GRIA4: variants seen among roughly 807,000 people sequenced by gnomAD.
GRIA4 encodes glutamate ionotropic receptor AMPA type subunit 4, also known as glutamate receptor 4.
In GRIA4, 34 loss-of-function variants were observed where a neutral mutation model predicts 104.0. The ratio of observed to expected loss-of-function variants is 0.33; its 90% CI spans 0.25 to 0.44. The LOEUF (loss-of-function observed/expected upper bound fraction) is 0.44. GRIA4 is among the 20% of genes least tolerant of loss of function. The pLI, the probability that GRIA4 is intolerant of heterozygous loss-of-function variation, is 1.00. For synonymous variants in GRIA4, 386 were observed against 381.9 expected (o/e 1.01, Z -0.13); for missense variants, 750 against 1,096.5 (o/e 0.68, Z 4.46).
At chr11:105,626,684 T>A (rs1950895124) in intron 3 of GRIA4, among the ~76,000 whole-genome samples, 1 of 152,204 alleles carries the variant, frequency 6.6e-6, no homozygotes, top group Admixed American at 6.6e-5. Flanking sequence ...GCCAAGCTGC[T>A]TAAGGAAGTC....
At chr11:105,715,245 C>T (rs187366737) in intron 3 of GRIA4, among the ~76,000 whole-genome samples, 45 of 152,278 alleles carry the variant, frequency 3.0e-4, no homozygotes, top group African/African-American at 1.1e-3. Context: ...TACATCTTTT[C>T]ATTACACTTG....
At chr11:105,935,823 C>G (rs548665640) in intron 14 of GRIA4, among the ~76,000 whole-genome samples, 1 of 152,238 alleles carries the variant, frequency 6.6e-6, no homozygotes, top group East Asian at 1.9e-4. Flanking sequence ...GCCACTTTGT[C>G]AAATCCACAC....
At chr11:105,778,652 C>A (rs1213025913) in intron 4 of GRIA4, among the ~76,000 whole-genome samples, 4 of 152,168 alleles carry the variant, frequency 2.6e-5, no homozygotes, top group African/African-American at 7.2e-5. Context: ...TTGCAGTGAG[C>A]TGAGATCAGG....
intron 3 of GRIA4, among the ~76,000 whole-genome samples, chr11:105,699,129 T>A (rs1335824659): frequency 6.6e-6 from 1 of 152,236 alleles, no homozygotes; most frequent in African/African-American, 2.4e-5. Flanking sequence ...ATGAATATCA[T>A]GTAAATGCTG....
At chr11:105,894,259 G>A (rs1946560865) in intron 6 of GRIA4, among the ~76,000 whole-genome samples, 2 of 152,086 alleles carry the variant, frequency 1.3e-5, no homozygotes, top group African/African-American at 2.4e-5. Context: ...GAATATGCAG[G>A]AGTATAAGGT....
intron 5 of GRIA4, among the ~76,000 whole-genome samples, chr11:105,878,611 G>T (rs1033466230): frequency 1.5e-4 from 23 of 152,216 alleles, no homozygotes; most frequent in African/African-American, 5.5e-4. Context: ...GAGATGCCCT[G>T]TATGGTGAGG....
intron 4 of GRIA4, among the ~76,000 whole-genome samples, chr11:105,764,575 T>C (rs1940842041): frequency 6.6e-6 from 1 of 152,088 alleles, no homozygotes; most frequent in Admixed American, 6.6e-5. Flanking sequence ...AAAGTAAATT[T>C]ATATCAGAAA....
chr11:105,717,869 C>A (rs557060912), intron 3 of GRIA4, among the ~76,000 whole-genome samples: 1 of 115,942 alleles, frequency 8.6e-6, no homozygotes, highest in Admixed American at 1.1e-4. Flanking sequence ...CCCCTCCCCC[C>A]ACCCCACAAC....
At chr11:105,720,925 C>A (rs549542461) in intron 3 of GRIA4, among the ~76,000 whole-genome samples, 1 of 152,226 alleles carries the variant, frequency 6.6e-6, no homozygotes, top group African/African-American at 2.4e-5. Context: ...TACCCCATGG[C>A]CCCCAGACTT....
intron 6 of GRIA4, 140 bp downstream of exon 6, chr11:105,887,712 T>A (rs1483208670): frequency 5.5e-6 from 3 of 547,280 alleles, no homozygotes; most frequent in Non-Finnish European, 9.8e-6. Flanking sequence ...TTTATTACAA[T>A]GATCATTAAA....
At chr11:105,691,931 G>A (rs1293466966) in intron 3 of GRIA4, among the ~76,000 whole-genome samples, 3 of 72,586 alleles carry the variant, frequency 4.1e-5, no homozygotes, top group Non-Finnish European at 7.7e-5. Flanking sequence ...GCAAAACTCC[G>A]TCTCAAAAAA....
At chr11:105,761,185 G>A (rs927820334) in intron 4 of GRIA4, among the ~76,000 whole-genome samples, 4 of 152,104 alleles carry the variant, frequency 2.6e-5, no homozygotes, top group African/African-American at 9.6e-5. Context: ...GCATCTTCCA[G>A]GGAAATTGAA....
intron 4 of GRIA4, chr11:105,824,591 T>C (rs1943697906): frequency 6.6e-6 from 1 of 152,126 alleles, no homozygotes; most frequent in Non-Finnish European, 1.5e-5. Context: ...CCATATGTTG[T>C]TCTCCCTGGA....
intron 3 of GRIA4, among the ~76,000 whole-genome samples, chr11:105,684,868 C>A (rs950674894): frequency 9.9e-5 from 15 of 151,646 alleles, no homozygotes; most frequent in African/African-American, 3.4e-4. Context: ...AAAAATTATC[C>A]TGCCTTACTA....
intron 4 of GRIA4, among the ~76,000 whole-genome samples, chr11:105,786,638 T>A (rs1420949529): frequency 6.6e-6 from 1 of 152,142 alleles, no homozygotes; most frequent in African/African-American, 2.4e-5. Flanking sequence ...GAGGGAAAAA[T>A]CTTTCCCCCA....
chr11:105,625,497 T>C (rs1276033956), intron 3 of GRIA4, among the ~76,000 whole-genome samples: 2 of 152,152 alleles, frequency 1.3e-5, no homozygotes, highest in African/African-American at 2.4e-5. Flanking sequence ...TTACATAACA[T>C]AGTTTCTAAA....
At position 105,969,212 on chromosome 11, in the gene GRIA4, T is replaced by C. The variant is rs1028757271; in HGVS notation, c.2295-2702T>C. ...TACTTACAAATAAGCCACTTTCCTCTATCACAGCCATGACAACCAATGCAA... is the reference window on the plus strand; with the variant it reads ...TACTTACAAATAAGCCACTTTCCTCCATCACAGCCATGACAACCAATGCAA... On this transcript the variant is annotated intron_variant, in intron 14 of 16. Transcript: ENST00000282499. 4.6e-5 allele frequency among the ~76,000 whole-genome samples: 7 copies of C among 152,222 alleles called. No homozygotes were observed. In the South Asian group the frequency reaches 1.4e-3, roughly 32 times the overall value.
intron 4 of GRIA4, among the ~76,000 whole-genome samples, chr11:105,820,081 T>C (rs570926284): frequency 6.6e-6 from 1 of 151,776 alleles, no homozygotes; most frequent in Admixed American, 6.6e-5. Flanking sequence ...AGGGCAAGAG[T>C]ACCCTCCAAG....
At chr11:105,866,547 G>GTATATATA (rs1240615789) in intron 5 of GRIA4, among the ~76,000 whole-genome samples, 43 of 42,628 alleles carry the variant, frequency 1.0e-3, no homozygotes, top group South Asian at 4.3e-3. Flanking sequence ...GTGTGTGTGT[G>GTATATATA]TGTGTATATA....
Sources: gnomAD v4.1 joint callset for allele counts (sites outside exome capture counted in the v4.1 genomes callset) on GRCh38, gnomAD v4.1.1 for gene constraint, MANE v1.5 for transcripts, NCBI Gene and HGNC (gene_info 2026-07-23, HGNC 2026-07-21) for gene names.